Variants in MAGI1 observed in about 807,000 individuals in gnomAD.
MAGI1 encodes membrane associated guanylate kinase, WW and PDZ domain containing 1.
MAGI1 carries 58 observed loss-of-function variants against 139.9 expected under a neutral mutation model. The ratio of observed to expected loss-of-function variants is 0.41; its 90% confidence interval spans 0.34 to 0.52. MAGI1 has a LOEUF of 0.52. MAGI1 is among the 20% of genes least tolerant of loss of function. MAGI1 has a pLI of 0.12. For missense variants in MAGI1, 1,874 were observed against 1,901.6 expected (o/e 0.99, Z 0.27); for synonymous variants, 812 against 737.9 (o/e 1.10, Z -1.63).
intron 1 of MAGI1, among the ~76,000 whole-genome samples, chr3:65,983,929 G>A (rs779754872): frequency 1.3e-4 from 20 of 152,190 alleles, no homozygotes; most frequent in South Asian, 2.1e-4. Flanking sequence ...ACTTGAAGTC[G>A]TACCTAGCAC....
chr3:65,754,973 A>C (rs2036447350), intron 1 of MAGI1, among the ~76,000 whole-genome samples: 1 of 147,734 alleles, frequency 6.8e-6, no homozygotes, highest in Admixed American at 6.7e-5. Context: ...TTTTTTTTTG[A>C]GATGGAATCT....
intron 10 of MAGI1, 90 bp from the exon 11 acceptor site, chr3:65,430,971 C>A: frequency 7.9e-7 from 1 of 1,260,524 alleles, no homozygotes; most frequent in South Asian, 1.4e-5. Context: ...GATAATTCTT[C>A]ACGCTTATGC....
At position 65,511,093 on chromosome 3, in the gene MAGI1, C is replaced by A. The variant is rs1473772859; in HGVS notation, c.431-17462G>T. Among the ~76,000 whole-genome samples, 6 of 148,896 alleles carry A rather than the reference C, an allele frequency of 4.0e-5. No individual in the cohort carries two copies. In the South Asian group the frequency reaches 1.3e-3, roughly 32 times the overall value. On this transcript the variant is annotated intron_variant, in intron 2 of 22. Coordinates refer to ENST00000402939, the MANE Select transcript of MAGI1 (RefSeq NM_001033057.2). Reference sequence around the variant, plus strand: ...AAGGAGAAATAAAATACTTCACAGACAAGCAAATGCTGAGAGATTTTGTCA... The same window carrying A: ...AAGGAGAAATAAAATACTTCACAGAAAAGCAAATGCTGAGAGATTTTGTCA...
At chr3:65,713,336 G>A (rs1254391420) in intron 1 of MAGI1, among the ~76,000 whole-genome samples, 3 of 152,156 alleles carry the variant, frequency 2.0e-5, no homozygotes, top group Non-Finnish European at 4.4e-5. Flanking sequence ...GTCACCCACA[G>A]GGAGCTCTGG....
At chr3:65,798,608 C>T (rs2040305442) in intron 1 of MAGI1, among the ~76,000 whole-genome samples, 2 of 139,962 alleles carry the variant, frequency 1.4e-5, no homozygotes, top group Admixed American at 1.5e-4. Flanking sequence ...ATGCTGATTG[C>T]AGTCAAAATA....
chr3:65,405,289 A>T (rs1945246159), intron 12 of MAGI1, among the ~76,000 whole-genome samples: 1 of 152,194 alleles, frequency 6.6e-6, no homozygotes, highest in African/African-American at 2.4e-5. Flanking sequence ...TAAGGAGGAG[A>T]AATCTGTTTT....
intron 7 of MAGI1, among the ~76,000 whole-genome samples, chr3:65,447,470 C>CA (rs1017546015): frequency 2.0e-4 from 31 of 152,330 alleles, no homozygotes; most frequent in Admixed American, 1.5e-3. Context: ...CCACTCACTA[C>CA]AATGGCAAGG....
chr3:65,676,872 G>A (rs879297790), intron 1 of MAGI1, among the ~76,000 whole-genome samples: 6 of 152,098 alleles, frequency 3.9e-5, no homozygotes, highest in South Asian at 2.1e-4. Flanking sequence ...AATACAGAAC[G>A]ACATATCCCA....
chr3:65,721,331 C>T (rs2032994324), intron 1 of MAGI1, among the ~76,000 whole-genome samples: 1 of 152,228 alleles, frequency 6.6e-6, no homozygotes, highest in Admixed American at 6.5e-5. Context: ...TCTTCTGAGG[C>T]AGGGACTTCC....
intron 2 of MAGI1, among the ~76,000 whole-genome samples, chr3:65,562,921 C>T (rs1322289903): frequency 6.6e-6 from 1 of 152,096 alleles, no homozygotes; most frequent in African/African-American, 2.4e-5. Flanking sequence ...AACCTAGGTT[C>T]CCTGTTTGGG....
chr3:65,442,416 C>A (rs9831437), intron 8 of MAGI1, among the ~76,000 whole-genome samples: 1 of 152,068 alleles, frequency 6.6e-6, no homozygotes, highest in Non-Finnish European at 1.5e-5. Context: ...AAAAAGTAGA[C>A]GAATCAGATA....
At chr3:65,742,397 C>CT (rs1311565839) in intron 1 of MAGI1, among the ~76,000 whole-genome samples, 1 of 152,120 alleles carries the variant, frequency 6.6e-6, no homozygotes, top group Admixed American at 6.5e-5. Flanking sequence ...TTAATGAATA[C>CT]TTTTTTATGT....
intron 1 of MAGI1, among the ~76,000 whole-genome samples, chr3:65,751,900 T>C (rs1328098915): frequency 6.6e-6 from 1 of 152,214 alleles, no homozygotes; most frequent in Non-Finnish European, 1.5e-5. Context: ...ATGGAAGAAC[T>C]TTTTAAAAAG....
At chr3:65,788,518 C>T (rs945207566) in intron 1 of MAGI1, among the ~76,000 whole-genome samples, 1 of 152,194 alleles carries the variant, frequency 6.6e-6, no homozygotes, top group African/African-American at 2.4e-5. Context: ...CAGTTCTATG[C>T]CCAAGTTCAA....
chr3:65,855,222 G>GA (rs36044263), intron 1 of MAGI1, among the ~76,000 whole-genome samples: 38,819 of 151,176 alleles, frequency 0.26, 7,517 homozygotes, highest in East Asian at 0.51. Flanking sequence ...GTCCACAAGA[G>GA]AAAAAAAGGC....
intron 12 of MAGI1, among the ~76,000 whole-genome samples, chr3:65,402,646 T>C (rs956214794): frequency 6.6e-6 from 1 of 152,104 alleles, no homozygotes; most frequent in Non-Finnish European, 1.5e-5. Flanking sequence ...AGTGTGACGA[T>C]CTCAACTCTT....
chr3:65,826,342 T>C (rs1190189283), intron 1 of MAGI1, among the ~76,000 whole-genome samples: 1 of 152,216 alleles, frequency 6.6e-6, no homozygotes, highest in Non-Finnish European at 1.5e-5. Flanking sequence ...TCAATGCCAG[T>C]ATTATGAGCT....
In MAGI1 at chr3:65,736,172, G is replaced by A. The variant is rs759686158; in HGVS notation, c.314-114084C>T. ...TTCAATTCTCTTATGGTTTTCTATGGGTCTTGCCAAAAGAGCACTTTGATT... is the reference window on the plus strand; with the variant it reads ...TTCAATTCTCTTATGGTTTTCTATGAGTCTTGCCAAAAGAGCACTTTGATT... On this transcript the variant is annotated intron_variant, in intron 1 of 22. Transcript: ENST00000402939. Among the ~76,000 whole-genome samples, 180 of 152,064 alleles carry A rather than the reference G, an allele frequency of 1.2e-3. 1 individual carries two copies. Among genetic ancestry groups the A allele is most frequent in the Non-Finnish European group, 1.1e-3 (76 of 68,036 alleles).
intron 1 of MAGI1, among the ~76,000 whole-genome samples, chr3:65,814,134 G>A (rs1365733867): frequency 2.6e-5 from 4 of 152,064 alleles, no homozygotes; most frequent in Non-Finnish European, 5.9e-5. Context: ...AAGCTTCAGA[G>A]GAGATCGGGT....
Sources: gnomAD v4.1 joint callset for allele counts (sites outside exome capture counted in the v4.1 genomes callset) on GRCh38, gnomAD v4.1.1 for gene constraint, MANE v1.5 for transcripts, NCBI Gene and HGNC (gene_info 2026-07-23, HGNC 2026-07-21) for gene names.